VRK2: variants seen among roughly 807,000 people sequenced by gnomAD.
The protein encoded by VRK2 is serine/threonine-protein kinase VRK2.
VRK2 carries 60 observed loss-of-function variants against 57.6 expected under a neutral mutation model. The observed-to-expected ratio is 1.04, with a 90% CI of 0.85 to 1.29. The LOEUF is 1.29. VRK2 is among the 50% of genes most tolerant of loss of function. The probability of loss-of-function intolerance (pLI) is 0.00; values close to 1 mark genes in which losing one functional copy is unlikely to be tolerated. For missense variants in VRK2, 705 were observed against 588.1 expected (o/e 1.20, Z -2.06); for synonymous variants, 231 against 199.2 (o/e 1.16, Z -1.35).
chr2:58,099,789 C>T (rs992079838), intron 7 of VRK2, among the ~76,000 whole-genome samples: 1 of 152,056 alleles, frequency 6.6e-6, no homozygotes, highest in Non-Finnish European at 1.5e-5. Context: ...GTTCTAGTTT[C>T]AGCACTGCCA....
intron 7 of VRK2, among the ~76,000 whole-genome samples, chr2:58,118,994 G>A (rs1232762446): frequency 6.6e-6 from 1 of 152,132 alleles, no homozygotes; most frequent in African/African-American, 2.4e-5. Flanking sequence ...AAATCACAGT[G>A]GTGGAATGTC....
intron 1 of VRK2, among the ~76,000 whole-genome samples, chr2:57,949,078 A>AGGGGGGGGGG (rs1671346718): frequency 7.1e-6 from 1 of 141,276 alleles, no homozygotes; most frequent in African/African-American, 2.7e-5. Flanking sequence ...GGTGGGGGAC[A>AGGGGGGGGGG]GGGGGCGGGA....
chr2:58,048,425 C>T (rs1300019904), intron 1 of VRK2: 2 of 608,052 alleles, frequency 3.3e-6, no homozygotes, highest in Non-Finnish European at 4.9e-6. Flanking sequence ...TGAAGACCTT[C>T]TCACTTTTAA....
At chr2:57,935,707 G>C (rs1056188958) in intron 1 of VRK2, among the ~76,000 whole-genome samples, 1 of 152,036 alleles carries the variant, frequency 6.6e-6, no homozygotes, top group African/African-American at 2.4e-5. Context: ...TAGTAATCTG[G>C]GTGAGGTAAT....
chr2:57,915,962 C>G (rs759395035), intron 1 of VRK2, among the ~76,000 whole-genome samples: 5 of 152,078 alleles, frequency 3.3e-5, no homozygotes, highest in Non-Finnish European at 7.4e-5. Flanking sequence ...TGAGGTGAAA[C>G]AGTTTCATCC....
intron 7 of VRK2, among the ~76,000 whole-genome samples, chr2:58,091,785 C>G (rs1367936783): frequency 1.3e-5 from 2 of 151,788 alleles, no homozygotes; most frequent in African/African-American, 4.8e-5. Context: ...TATGACTGTC[C>G]TAGAAACAGG....
chr2:58,066,475 T>G (rs1668626802), intron 2 of VRK2, among the ~76,000 whole-genome samples: 1 of 152,204 alleles, frequency 6.6e-6, no homozygotes, highest in African/African-American at 2.4e-5. Flanking sequence ...GCTTATATTT[T>G]GAGAATCTTT....
intron 1 of VRK2, among the ~76,000 whole-genome samples, chr2:58,008,232 A>T (rs1188049931): frequency 6.6e-6 from 1 of 152,088 alleles, no homozygotes; most frequent in Non-Finnish European, 1.5e-5. Context: ...GGGTCAAATA[A>T]GATCTATATA....
chr2:58,135,368 C>G (rs1394095830), intron 10 of VRK2, among the ~76,000 whole-genome samples, 169 bp downstream of exon 10: 1 of 151,038 alleles, frequency 6.6e-6, no homozygotes, highest in East Asian at 1.9e-4. Context: ...ATGTTTAAAT[C>G]ATCTTTAACA....
At chr2:58,093,537 T>G (rs1672676545) in intron 7 of VRK2, among the ~76,000 whole-genome samples, 1 of 152,220 alleles carries the variant, frequency 6.6e-6, no homozygotes, top group Admixed American at 6.5e-5. Context: ...TAAATTTGTT[T>G]GAGTTCTTTG....
At chr2:58,032,024 T>C (rs866454667) in intron 2 of VRK2, among the ~76,000 whole-genome samples, 21 of 152,108 alleles carry the variant, frequency 1.4e-4, no homozygotes, top group African/African-American at 5.1e-4. Context: ...TCTCTTTCTG[T>C]CTTCCTTCCT....
At chr2:58,072,499 T>C (rs1261833452) in intron 2 of VRK2, among the ~76,000 whole-genome samples, 1 of 152,006 alleles carries the variant, frequency 6.6e-6, no homozygotes, top group Non-Finnish European at 1.5e-5. Flanking sequence ...GCCAAATGGT[T>C]TTGTTTTTTA....
At chr2:58,000,403 G>A (rs1673055124) in intron 1 of VRK2, among the ~76,000 whole-genome samples, 2 of 152,106 alleles carry the variant, frequency 1.3e-5, no homozygotes, top group South Asian at 4.1e-4. Context: ...GGAAAATCAG[G>A]CAAGATGCCT....
At chr2:58,041,485 C>T (rs1674453489) in intron 3 of VRK2, among the ~76,000 whole-genome samples, 1 of 152,018 alleles carries the variant, frequency 6.6e-6, no homozygotes, top group Admixed American at 6.5e-5. Flanking sequence ...AATATTAAAG[C>T]ACAGACCTTT....
intron 1 of VRK2, among the ~76,000 whole-genome samples, chr2:57,919,878 G>A (rs1670282588): frequency 6.6e-6 from 1 of 151,954 alleles, no homozygotes. Flanking sequence ...TTAAAAAGGA[G>A]CCATTATCTC....
chr2:58,136,169 C>T (rs1024647988), intron 10 of VRK2, among the ~76,000 whole-genome samples: 1 of 152,120 alleles, frequency 6.6e-6, no homozygotes, highest in Admixed American at 6.6e-5. Context: ...AAGAATAAGC[C>T]AGTTCTACTT....
intron 1 of VRK2, among the ~76,000 whole-genome samples, chr2:57,940,776 G>C (rs539325548): frequency 6.6e-6 from 1 of 152,104 alleles, no homozygotes; most frequent in African/African-American, 2.4e-5. Flanking sequence ...AGTTTCACAT[G>C]AGGCAATGAA....
rs1232910918 is a variant in VRK2 at position 58,135,208 on chromosome 2, A to G, written c.856+9A>G. 1.9e-6 allele frequency: 3 copies of G among 1,614,118 alleles called. No homozygotes were observed. Among genetic ancestry groups the G allele is most frequent in the Admixed American group, 1.7e-5 (1 of 60,014 alleles). ...TTCTGGAAGCAGTTGCTGTAAGTCAAATAATAACTTCAACCTTCTCTTACG... is the reference window on the plus strand; with the variant it reads ...TTCTGGAAGCAGTTGCTGTAAGTCAGATAATAACTTCAACCTTCTCTTACG... On this transcript the variant is annotated intron_variant, in intron 10 of 12. Coordinates refer to ENST00000340157, the MANE Select transcript of VRK2 (RefSeq NM_006296.7).
chr2:58,085,102 C>T (rs1326695390), intron 4 of VRK2, 152 bp downstream of exon 4: 1 of 613,044 alleles, frequency 1.6e-6, no homozygotes, highest in Non-Finnish European at 2.7e-6. Flanking sequence ...CATATAAAAG[C>T]AAGACAGATG....
Sources: gnomAD v4.1 joint callset for allele counts (sites outside exome capture counted in the v4.1 genomes callset) on GRCh38, gnomAD v4.1.1 for gene constraint, MANE v1.5 for transcripts, NCBI Gene and HGNC (gene_info 2026-07-23, HGNC 2026-07-21) for gene names.